Variants in SNX30 observed in about 807,000 individuals in gnomAD.
SNX30 encodes sorting nexin-30.
Under a neutral mutation model 46.4 loss-of-function variants are expected in SNX30, and 24 were observed. That is an observed-to-expected ratio of 0.52 (90% CI 0.37 to 0.73). The LOEUF is 0.73. Ranked by LOEUF, SNX30 falls within the 30% of genes least tolerant of loss-of-function variation. The probability of loss-of-function intolerance (pLI) is 0.00; values close to 1 mark genes in which losing one functional copy is unlikely to be tolerated. For synonymous variants in SNX30, 189 were observed against 211.5 expected, an observed-to-expected ratio of 0.89 and a Z score of 0.92; for missense variants, 533 against 555.7, an observed-to-expected ratio of 0.96 and a Z score of 0.41.
chr9:112,805,040 C>A, intron 2 of SNX30, 73 bp downstream of exon 2: 2 of 1,196,644 alleles, frequency 1.7e-6, no homozygotes, highest in Non-Finnish European at 1.2e-6. Context: ...GTGAATTTTG[C>A]CTTTGCTCTC....
intron 1 of SNX30, among the ~76,000 whole-genome samples, chr9:112,753,714 A>T (rs1443624458): frequency 6.6e-6 from 1 of 152,192 alleles, no homozygotes; most frequent in Non-Finnish European, 1.5e-5. Context: ...ATCTCCTAAC[A>T]GCTGTGGGGA....
chr9:112,797,711 C>CTTTTTTTTTTTTTTT (rs71384277), intron 1 of SNX30, among the ~76,000 whole-genome samples: 1 of 121,356 alleles, frequency 8.2e-6, no homozygotes, highest in Non-Finnish European at 1.6e-5. Flanking sequence ...TTTTCTTTTT[C>CTTTTTTTTTTTTTTT]TTTTTTTTTT....
intron 1 of SNX30, among the ~76,000 whole-genome samples, chr9:112,753,148 G>C (rs1362779980): frequency 6.6e-6 from 1 of 152,146 alleles, no homozygotes; most frequent in Non-Finnish European, 1.5e-5. Context: ...GGCCATCTTG[G>C]AGACTGGCTA....
In SNX30 at chr9:112,830,897, T is replaced by C. The variant is rs770573443; in HGVS notation, c.618+14T>C. On this transcript the variant is annotated intron_variant, in intron 4 of 8. Transcript: ENST00000374232. The stretch of plus-strand genomic sequence containing the variant: ...CTTACTGCTAAGGTAAGGGCAGAAA[T>C]TTACATCCTCTTCGTCCATATTACC... 6.3e-7 allele frequency: 1 copy of C among 1,597,888 alleles called. No homozygotes were observed. The highest frequency in any genetic ancestry group is 2.2e-5 in the East Asian group (1 of 44,678).
intron 3 of SNX30, among the ~76,000 whole-genome samples, chr9:112,826,888 A>G (rs1262125170): frequency 6.6e-6 from 1 of 152,232 alleles, no homozygotes. Flanking sequence ...GGACTGGGCC[A>G]GCATCGGGCT....
At chr9:112,847,852 C>T (rs1840962826) in intron 6 of SNX30, among the ~76,000 whole-genome samples, 1 of 152,190 alleles carries the variant, frequency 6.6e-6, no homozygotes, top group South Asian at 2.1e-4. Context: ...TTGCCTTCCC[C>T]AAACCCTTGG....
At chr9:112,828,072 C>T (rs888780191) in intron 3 of SNX30, among the ~76,000 whole-genome samples, 3 of 152,138 alleles carry the variant, frequency 2.0e-5, no homozygotes, top group African/African-American at 7.2e-5. Context: ...TTATATAGTG[C>T]GTGACTATGG....
intron 7 of SNX30, among the ~76,000 whole-genome samples, chr9:112,858,811 G>A (rs963561314): frequency 1.3e-5 from 2 of 151,970 alleles, no homozygotes; most frequent in African/African-American, 2.4e-5. Context: ...CTGCCTTCCC[G>A]AGTGACTTTT....
chr9:112,814,218 AGACTT>A (rs1316918304), intron 2 of SNX30, among the ~76,000 whole-genome samples: 3 of 152,214 alleles, frequency 2.0e-5, no homozygotes, highest in Non-Finnish European at 4.4e-5. Flanking sequence ...CAAATGAAAA[AGACTT>A]GACTCAATTT....
At chr9:112,847,510 T>G (rs1840958225) in intron 6 of SNX30, among the ~76,000 whole-genome samples, 5 of 152,188 alleles carry the variant, frequency 3.3e-5, no homozygotes, top group Admixed American at 3.3e-4. Context: ...GTGTTCAAAT[T>G]TCCCCAGTTT....
intron 1 of SNX30, among the ~76,000 whole-genome samples, chr9:112,757,739 G>A (rs969824435): frequency 8.6e-5 from 13 of 151,982 alleles, no homozygotes; most frequent in African/African-American, 3.1e-4. Flanking sequence ...TGACCTCTTG[G>A]ATTCCCCTAC....
rs544279271 is a variant in SNX30, at chr9:112,846,025, A to G, written c.1015-4834A>G. ...ATAAAACAGTAATTTTTAAAAATTC[A>G]GAGAACAAAGAGCTCTTGGAAATTA... is the stretch of plus-strand genomic sequence containing the variant. On this transcript the variant is annotated intron_variant, in intron 6 of 8. Coordinates refer to ENST00000374232, the MANE Select transcript of SNX30 (RefSeq NM_001012994.2). Among the ~76,000 whole-genome samples, 19 of 152,356 alleles carry G rather than the reference A, an allele frequency of 1.2e-4. No individual in the cohort carries two copies. In the South Asian group the frequency reaches 3.7e-3, roughly 30 times the overall value.
In SNX30 at chr9:112,847,823, G is replaced by A. The variant is rs1384508000; in HGVS notation, c.1015-3036G>A. On this transcript the variant is annotated intron_variant, in intron 6 of 8. Coordinates refer to ENST00000374232, the MANE Select transcript of SNX30 (RefSeq NM_001012994.2). ...ATCTTGTGAGTGTGAGGCCCTCCTT[G>A]GGCACCCTATGTATGATTTTGCCTT... is the stretch of plus-strand genomic sequence containing the variant. Among the ~76,000 whole-genome samples the A allele has an allele frequency of 2.0e-5, 3 of 152,102 alleles. No homozygotes were observed. In the East Asian group the frequency reaches 5.8e-4, roughly 29 times the overall value.
intron 3 of SNX30, among the ~76,000 whole-genome samples, chr9:112,828,423 G>GA (rs1840610145): frequency 6.6e-6 from 1 of 152,156 alleles, no homozygotes; most frequent in African/African-American, 2.4e-5. Context: ...TGCACTCTGT[G>GA]ATGTTCACAC....
At position 112,751,271 on chromosome 9, in the gene SNX30, G is replaced by A. The variant is rs1011035899; in HGVS notation, c.156+114G>A. Reference sequence around the variant, plus strand: ...GCGCCCACCCTGCCGCCCCTTCCCGGGGGACGGGCGTGTCCTGGCCCCGGA... The same window carrying A: ...GCGCCCACCCTGCCGCCCCTTCCCGAGGGACGGGCGTGTCCTGGCCCCGGA... On this transcript the variant is annotated intron_variant, in intron 1 of 8. Transcript: ENST00000374232. The A allele has an allele frequency of 6.5e-6, 8 of 1,227,058 alleles. No homozygotes were observed. In the Admixed American group the frequency reaches 2.8e-4, roughly 43 times the overall value. 76.0% of individuals were successfully genotyped at this position (1,227,058 alleles called of 1,614,324 possible). A position where few individuals can be genotyped will look rare whatever the true frequency, so the allele number is the denominator to read the frequency against.
At chr9:112,767,658 C>G (rs967607568) in intron 1 of SNX30, among the ~76,000 whole-genome samples, 1 of 152,038 alleles carries the variant, frequency 6.6e-6, no homozygotes, top group African/African-American at 2.4e-5. Context: ...GATGCGATCT[C>G]GGCTCACTGC....
chr9:112,826,749 C>T (rs1840584922), intron 3 of SNX30, among the ~76,000 whole-genome samples: 1 of 152,154 alleles, frequency 6.6e-6, no homozygotes, highest in Non-Finnish European at 1.5e-5. Flanking sequence ...AGATAGTAAT[C>T]TGCTTAGCAC....
intron 3 of SNX30, among the ~76,000 whole-genome samples, chr9:112,827,135 T>C (rs1328420135): frequency 6.6e-6 from 1 of 152,198 alleles, no homozygotes; most frequent in Non-Finnish European, 1.5e-5. Context: ...ATTCCCACCA[T>C]GTCAAGGTTT....
chr9:112,761,126 T>G (rs572144579), intron 1 of SNX30, among the ~76,000 whole-genome samples: 1 of 152,230 alleles, frequency 6.6e-6, no homozygotes, highest in East Asian at 1.9e-4. Context: ...TTTTATTCTT[T>G]CAGCAGTAGC....
Sources: allele counts gnomAD v4.1 joint callset (sites outside exome capture counted in the v4.1 genomes callset), GRCh38; gene constraint gnomAD v4.1.1; transcripts MANE v1.5; gene names NCBI Gene and HGNC (gene_info 2026-07-23, HGNC 2026-07-21).